DLGAP1: variants seen among roughly 807,000 people sequenced by gnomAD.
DLGAP1 encodes disks large-associated protein 1.
A neutral mutation model predicts 90.8 loss-of-function variants in DLGAP1; 11 were observed. That is an observed-to-expected ratio of 0.12 (90% CI 0.08 to 0.20). DLGAP1 has a LOEUF of 0.20. Among genes scored for constraint, DLGAP1 ranks in the 10% least tolerant of loss-of-function variants. DLGAP1 has a pLI of 1.00. For synonymous variants in DLGAP1, 558 were observed against 540.7 expected, an observed-to-expected ratio of 1.03 and a Z score of -0.44; for missense variants, 1,050 against 1,333.8, an observed-to-expected ratio of 0.79 and a Z score of 3.31.
At chr18:4,410,914 G>C (rs1047907765) in intron 1 of DLGAP1, among the ~76,000 whole-genome samples, 1 of 152,162 alleles carries the variant, frequency 6.6e-6, no homozygotes, top group African/African-American at 2.4e-5. Context: ...AGCTCCAGGA[G>C]TTTTGCCTGC....
intron 1 of DLGAP1, among the ~76,000 whole-genome samples, chr18:4,427,351 G>A (rs936334650): frequency 6.6e-6 from 1 of 152,164 alleles, no homozygotes; most frequent in Non-Finnish European, 1.5e-5. Context: ...GACTTGGAGG[G>A]ATACCTTAGC....
chr18:3,644,658 C>T (rs2059056696), intron 7 of DLGAP1, among the ~76,000 whole-genome samples: 1 of 152,152 alleles, frequency 6.6e-6, no homozygotes, highest in African/African-American at 2.4e-5. Context: ...GATGATCCAC[C>T]CGCCTCGGCC....
intron 3 of DLGAP1, among the ~76,000 whole-genome samples, chr18:3,991,790 C>T (rs150508031): frequency 2.0e-5 from 3 of 152,344 alleles, no homozygotes; most frequent in African/African-American, 7.2e-5. Flanking sequence ...AAGAAAACTG[C>T]ATTACATATA....
intron 7 of DLGAP1, among the ~76,000 whole-genome samples, chr18:3,666,220 G>A (rs2059878230): frequency 6.6e-6 from 1 of 152,184 alleles, no homozygotes. Flanking sequence ...GAGAAAAAAC[G>A]AAAAGTAAAT....
At chr18:3,759,420 GTGT>G (rs1314158515) in intron 5 of DLGAP1, among the ~76,000 whole-genome samples, 2 of 152,156 alleles carry the variant, frequency 1.3e-5, no homozygotes, top group East Asian at 1.9e-4. Context: ...CAAAATGAAG[GTGT>G]TGTCCTTTTC....
At chr18:3,876,394 A>AT (rs749965337) in intron 4 of DLGAP1, among the ~76,000 whole-genome samples, 4 of 152,146 alleles carry the variant, frequency 2.6e-5, no homozygotes, top group Admixed American at 6.5e-5. Context: ...TGAAATATAG[A>AT]TTTTTTCCCC....
At chr18:4,033,069 A>T (rs1337507380) in intron 2 of DLGAP1, among the ~76,000 whole-genome samples, 2 of 152,220 alleles carry the variant, frequency 1.3e-5, no homozygotes, top group Non-Finnish European at 2.9e-5. Flanking sequence ...AATCAATGAT[A>T]TATTTCCATT....
chr18:3,527,945 C>T (rs182758769), intron 10 of DLGAP1, among the ~76,000 whole-genome samples: 52 of 152,272 alleles, frequency 3.4e-4, no homozygotes, highest in Middle Eastern at 3.4e-3. Flanking sequence ...ATTTTAACCA[C>T]AGTGAAGTGT....
chr18:4,266,371 G>C (rs1048180768), intron 1 of DLGAP1, among the ~76,000 whole-genome samples: 1 of 152,186 alleles, frequency 6.6e-6, no homozygotes, highest in African/African-American at 2.4e-5. Flanking sequence ...AGAGAGCACA[G>C]AAAATCACTA....
At chr18:3,575,809 C>A (rs953098505) in intron 8 of DLGAP1, among the ~76,000 whole-genome samples, 1 of 152,116 alleles carries the variant, frequency 6.6e-6, no homozygotes, top group Non-Finnish European at 1.5e-5. Flanking sequence ...ACTAGGGTAT[C>A]AAGAAAAACA....
chr18:4,032,627 G>A (rs144183737), intron 2 of DLGAP1, among the ~76,000 whole-genome samples: 1,688 of 152,208 alleles, frequency 0.011, 25 homozygotes, highest in African/African-American at 0.038. Flanking sequence ...CAGCAGGGCC[G>A]GCTAAAATCC....
At position 3,673,558 on chromosome 18, in the gene DLGAP1, C is replaced by CT. The variant is rs1014672604; in HGVS notation, c.1591+55576dup. 7.9e-5 allele frequency among the ~76,000 whole-genome samples: 12 copies of CT among 152,062 alleles called. 1 individual carries two copies. Among genetic ancestry groups the CT allele is most frequent in the African/African-American group, 2.9e-4 (12 of 41,472 alleles). ...GAATGAGAGGAGGATGATTGCAACTCTTTTTTTTGGATGGAGTCTCACTCT... is the reference window on the plus strand; with the variant it reads ...GAATGAGAGGAGGATGATTGCAACTCTTTTTTTTTGGATGGAGTCTCACTCT... On this transcript the variant is annotated intron_variant, in intron 7 of 12. Coordinates refer to ENST00000315677, the MANE Select transcript of DLGAP1 (RefSeq NM_004746.4).
At chr18:4,032,571 AAAG>A (rs2074813134) in intron 2 of DLGAP1, among the ~76,000 whole-genome samples, 1 of 152,226 alleles carries the variant, frequency 6.6e-6, no homozygotes, top group Non-Finnish European at 1.5e-5. Context: ...ACCTCTCTCC[AAAG>A]ACAGAAACAG....
Position 4,099,702 on chromosome 18 carries a change from CT to C in DLGAP1, c.-159+51477del, listed in dbSNP as rs59311920. 4.9e-3 allele frequency among the ~76,000 whole-genome samples: 660 copies of C among 133,826 alleles called. 4 individuals are homozygous for C. Among genetic ancestry groups the C allele is most frequent in the African/African-American group, 0.013 (471 of 37,136 alleles). 87.8% of individuals were successfully genotyped at this position (133,826 alleles called of 152,430 possible). ...TGTGGCAATTTCTTTTCTTTTTTTA[CT>C]TTTTTTTTTTTTTTTTTAGAGTTGA... On this transcript the variant is annotated intron_variant, in intron 2 of 12. Coordinates refer to ENST00000315677, the MANE Select transcript of DLGAP1 (RefSeq NM_004746.4).
chr18:4,299,144 A>G (rs985787722), intron 1 of DLGAP1, among the ~76,000 whole-genome samples: 1 of 151,512 alleles, frequency 6.6e-6, no homozygotes, highest in African/African-American at 2.4e-5. Flanking sequence ...GCCCAGATCC[A>G]CTGAATCCGA....
chr18:4,056,862 T>A (rs1018375345), intron 2 of DLGAP1, among the ~76,000 whole-genome samples: 4 of 152,168 alleles, frequency 2.6e-5, no homozygotes, highest in African/African-American at 9.7e-5. Flanking sequence ...CTAAGACCAA[T>A]GCACTTTAGC....
intron 7 of DLGAP1, among the ~76,000 whole-genome samples, chr18:3,718,485 T>A (rs1480739579): frequency 2.0e-5 from 3 of 151,900 alleles, no homozygotes; most frequent in Non-Finnish European, 2.9e-5. Context: ...AAGCAGATGA[T>A]GTTATATGAT....
chr18:4,006,800 C>G (rs1354154013), intron 2 of DLGAP1, among the ~76,000 whole-genome samples: 2 of 152,086 alleles, frequency 1.3e-5, no homozygotes, highest in African/African-American at 4.8e-5. Flanking sequence ...GACCTACCAC[C>G]ATACCTGGCT....
chr18:4,115,871 T>C (rs144881547), intron 2 of DLGAP1, among the ~76,000 whole-genome samples: 1,772 of 152,350 alleles, frequency 0.012, 12 homozygotes, highest in South Asian at 0.03. Flanking sequence ...CTCACTAATA[T>C]AATGATACAC....
Sources: allele counts gnomAD v4.1 joint callset (sites outside exome capture counted in the v4.1 genomes callset), GRCh38; gene constraint gnomAD v4.1.1; transcripts MANE v1.5; gene names NCBI Gene and HGNC (gene_info 2026-07-23, HGNC 2026-07-21).